Variants in ABR observed in about 807,000 individuals in gnomAD.
The protein encoded by ABR is active breakpoint cluster region-related protein.
A neutral mutation model predicts 107.2 loss-of-function variants in ABR; 35 were observed. The ratio of observed to expected loss-of-function variants is 0.33; its 90% confidence interval spans 0.25 to 0.43. The LOEUF (loss-of-function observed/expected upper bound fraction) is 0.43. Among genes scored for constraint, ABR ranks in the 20% least tolerant of loss-of-function variants. The probability of loss-of-function intolerance (pLI) is 1.00; values close to 1 mark genes in which losing one functional copy is unlikely to be tolerated. For missense variants in ABR, 815 were observed against 1,115.2 expected, an observed-to-expected ratio of 0.73 and a Z score of 3.83; for synonymous variants, 498 against 462.0, an observed-to-expected ratio of 1.08 and a Z score of -1.00.
At chr17:1,128,340 C>T (rs987787292) in intron 1 of ABR, among the ~76,000 whole-genome samples, 24 of 152,308 alleles carry the variant, frequency 1.6e-4, no homozygotes, top group African/African-American at 5.8e-4. Context: ...CAGACAGCGG[C>T]TTGGGCACCA....
chr17:1,013,617 G>C (rs752619569), intron 16 of ABR, among the ~76,000 whole-genome samples: 1 of 152,266 alleles, frequency 6.6e-6, no homozygotes, highest in Non-Finnish European at 1.5e-5. Context: ...CATCCACGTG[G>C]AGGTGTTGAA....
At chr17:1,109,116 C>A in intron 2 of ABR, 2 of 1,377,416 alleles carry the variant, frequency 1.5e-6, no homozygotes, top group Non-Finnish European at 1.9e-6. Flanking sequence ...GTCCACGCAG[C>A]GGCGGCGGGA....
At chr17:1,047,968 A>C (rs753602486) in intron 16 of ABR, among the ~76,000 whole-genome samples, 3 of 152,168 alleles carry the variant, frequency 2.0e-5, no homozygotes, top group African/African-American at 7.2e-5. Context: ...TAACTCTTCT[A>C]TTCCACAGCC....
intron 1 of ABR, among the ~76,000 whole-genome samples, chr17:1,137,471 G>A (rs2264056): frequency 0.78 from 118,128 of 152,082 alleles, 47,983 homozygotes; most frequent in East Asian, 1. Flanking sequence ...AGCGGGGAGA[G>A]GAGAGAGGCT....
intron 16 of ABR, among the ~76,000 whole-genome samples, chr17:1,029,199 C>CG (rs2072499218): frequency 6.6e-6 from 1 of 151,998 alleles, no homozygotes; most frequent in East Asian, 1.9e-4. Context: ...CCAGATGCCA[C>CG]GTGTCTCCCA....
At chr17:1,178,511 C>T (rs894838409) in intron 1 of ABR, among the ~76,000 whole-genome samples, 3 of 150,430 alleles carry the variant, frequency 2.0e-5, no homozygotes, top group African/African-American at 2.5e-5. Flanking sequence ...TTGCAATGAG[C>T]GGAGATTGCG....
chr17:1,205,244 T>C (rs184062339), intron 1 of ABR, among the ~76,000 whole-genome samples: 52 of 152,296 alleles, frequency 3.4e-4, no homozygotes, highest in Middle Eastern at 3.4e-3. Flanking sequence ...CTGGGCCCTT[T>C]GGCACATTAC....
At chr17:1,214,217 TC>T (rs2042956612) in intron 1 of ABR, among the ~76,000 whole-genome samples, 1 of 151,788 alleles carries the variant, frequency 6.6e-6, no homozygotes. Context: ...GACTTGGACT[TC>T]CCCGCCCCCC....
At chr17:1,062,520 G>T (rs1393701492) in intron 10 of ABR, among the ~76,000 whole-genome samples, 1 of 125,090 alleles carries the variant, frequency 8.0e-6, no homozygotes, top group East Asian at 2.4e-4. Flanking sequence ...GGATATGCAT[G>T]TTCCTCTAGA....
chr17:1,191,549 T>A (rs1348474679), upstream of ABR, among the ~76,000 whole-genome samples: 4 of 151,258 alleles, frequency 2.6e-5, no homozygotes, highest in Admixed American at 6.6e-5. Context: ...AGAAACGGGG[T>A]TTCTCCATGT....
At chr17:1,013,290 A>G in intron 16 of ABR, 126 bp from the exon 17 acceptor site, 1 of 946,812 alleles carries the variant, frequency 1.1e-6, no homozygotes, top group Non-Finnish European at 1.7e-6. Context: ...AGCTGGGATA[A>G]GCTGATGTTT....
chr17:1,180,394 T>A (rs189196877), upstream of ABR, among the ~76,000 whole-genome samples: 77 of 151,950 alleles, frequency 5.1e-4, 1 homozygote, highest in East Asian at 0.013. Flanking sequence ...ACCCACGGGG[T>A]GAACGTCCTG....
At chr17:1,173,352 T>C (rs111706824) in intron 1 of ABR, among the ~76,000 whole-genome samples, 1,722 of 41,652 alleles carry the variant, frequency 0.041, 11 homozygotes, top group African/African-American at 0.16. Context: ...CTCAGTCCAC[T>C]CAACACATCA....
chr17:1,042,074 G>T (rs2030626001), intron 16 of ABR, among the ~76,000 whole-genome samples: 1 of 152,222 alleles, frequency 6.6e-6, no homozygotes, highest in Admixed American at 6.5e-5. Context: ...TGGAGAGAAG[G>T]AGGCTGTGCT....
Position 1,010,104 on chromosome 17 carries a change from G to C in ABR, c.2237-320C>G, listed in dbSNP as rs2070403509. 1 of 438,422 alleles carries C rather than the reference G, an allele frequency of 2.3e-6. No individual in the cohort carries two copies. Among genetic ancestry groups the C allele is most frequent in the African/African-American group, 2.0e-5 (1 of 51,240 alleles). 27.2% of individuals were successfully genotyped at this position (438,422 alleles called of 1,614,324 possible). ...ACACCCCCTGGTCTGTGTGGCTAAG[G>C]TTAAGCCAGTAGGGACATATCCTGC... On this transcript the variant is annotated intron_variant, in intron 20 of 22. Transcript: ENST00000302538. The surrounding 1 kb of genome is among the most constrained non-coding windows in gnomAD (Gnocchi z 4.1).
rs571543047 is a variant in ABR at position 1,010,136 on chromosome 17, T to C, written c.2237-352A>G. On this transcript the variant is annotated intron_variant, in intron 20 of 22. Coordinates refer to ENST00000302538, the MANE Select transcript of ABR (RefSeq NM_021962.5). This position sits in a 1 kb window ranked among gnomAD's most constrained non-coding sequence, Gnocchi z 4.1. ...CAGTAGGGACATATCCTGCCAGCGG[T>C]GGATTCTCTTTCTCCACCCCTTCTG... 3 of 308,202 alleles carry C rather than the reference T, an allele frequency of 9.7e-6. No individual in the cohort carries two copies. In the South Asian group the frequency reaches 1.8e-4, roughly 18 times the overall value. 19.1% of individuals were successfully genotyped at this position (308,202 alleles called of 1,614,324 possible). A position where few individuals can be genotyped will look rare whatever the true frequency, so the allele number is the denominator to read the frequency against.
chr17:1,022,170 C>G (rs2071740253), intron 16 of ABR, among the ~76,000 whole-genome samples: 1 of 150,374 alleles, frequency 6.7e-6, no homozygotes. Flanking sequence ...GGCCCCCGGA[C>G]AGGGAACCAC....
At chr17:1,174,713 T>G (rs2041861288) in intron 1 of ABR, among the ~76,000 whole-genome samples, 1 of 152,210 alleles carries the variant, frequency 6.6e-6, no homozygotes, top group Non-Finnish European at 1.5e-5. Flanking sequence ...TGCAGGCTCT[T>G]GCTTGGCTCA....
intron 1 of ABR, among the ~76,000 whole-genome samples, chr17:1,175,472 C>G (rs997299954): frequency 2.0e-5 from 3 of 152,172 alleles, no homozygotes; most frequent in Non-Finnish European, 2.9e-5. Context: ...AGGTAAGGTA[C>G]TGAGGGGTGA....
Sources: gnomAD v4.1 joint callset for allele counts (sites outside exome capture counted in the v4.1 genomes callset) on GRCh38, gnomAD v4.1.1 for gene constraint, Gnocchi (gnomAD v3.1) non-coding constraint, MANE v1.5 for transcripts, NCBI Gene and HGNC (gene_info 2026-07-23, HGNC 2026-07-21) for gene names.